Variants in ZNF385B observed in about 807,000 individuals in gnomAD.
ZNF385B encodes zinc finger protein 533.
In ZNF385B, 23 loss-of-function variants were observed where a neutral mutation model predicts 39.2. The observed-to-expected ratio is 0.59, with a 90% CI of 0.42 to 0.83. The LOEUF (loss-of-function observed/expected upper bound fraction) is 0.83, where lower values mean the gene tolerates loss of function less well. Among genes scored for constraint, ZNF385B ranks in the 40% least tolerant of loss-of-function variants. The pLI is 0.00. For missense variants in ZNF385B, 552 were observed against 598.9 expected, an observed-to-expected ratio of 0.92 and a Z score of 0.82; for synonymous variants, 205 against 222.6, an observed-to-expected ratio of 0.92 and a Z score of 0.70.
rs571146649 is a variant in ZNF385B, at chr2:179,686,385, C to T, written c.298+83118G>A. On this transcript the variant is annotated intron_variant, in intron 3 of 9. Transcript: ENST00000410066. ...TTCTAAGTGCTTGCCACAGTGCCTA[C>T]GATGTTATAAAAATTCAATAAAATT... Among the ~76,000 whole-genome samples, 12 of 152,104 alleles carry T rather than the reference C, an allele frequency of 7.9e-5. No individual in the cohort carries two copies. The East Asian group carries it at 9.7e-4, about 12-fold the overall frequency.
At chr2:179,619,019 C>T (rs1390131499) in intron 3 of ZNF385B, among the ~76,000 whole-genome samples, 1 of 152,006 alleles carries the variant, frequency 6.6e-6, no homozygotes, top group Non-Finnish European at 1.5e-5. Context: ...TGTTTACTAA[C>T]AAAAAATTTT....
chr2:179,791,172 T>C (rs551295156), intron 1 of ZNF385B, among the ~76,000 whole-genome samples: 57 of 152,356 alleles, frequency 3.7e-4, no homozygotes, highest in African/African-American at 1.3e-3. Context: ...ATGATTCCGA[T>C]CTACATGAAC....
chr2:179,512,477 T>G (rs2105781019), intron 5 of ZNF385B, among the ~76,000 whole-genome samples: 1 of 152,328 alleles, frequency 6.6e-6, no homozygotes, highest in Non-Finnish European at 1.5e-5. Flanking sequence ...CAAAATGAGA[T>G]AAATGTTAGT....
At chr2:179,469,107 T>A (rs2052448351) in intron 6 of ZNF385B, among the ~76,000 whole-genome samples, 1 of 152,210 alleles carries the variant, frequency 6.6e-6, no homozygotes, top group Non-Finnish European at 1.5e-5. Context: ...TAAAAAGTGG[T>A]ATCAAGCTGC....
intron 3 of ZNF385B, among the ~76,000 whole-genome samples, chr2:179,655,102 G>A (rs910368329): frequency 3.3e-5 from 5 of 152,116 alleles, no homozygotes; most frequent in African/African-American, 7.2e-5. Context: ...TTGTATCATG[G>A]GTAGTTTTTG....
At chr2:179,555,180 C>T (rs2060826069) in intron 3 of ZNF385B, among the ~76,000 whole-genome samples, 1 of 149,674 alleles carries the variant, frequency 6.7e-6, no homozygotes, top group African/African-American at 2.5e-5. Context: ...TTCTTACATG[C>T]AACAACCAAT....
intron 3 of ZNF385B, among the ~76,000 whole-genome samples, chr2:179,689,985 A>G (rs528811638): frequency 3.6e-4 from 55 of 152,256 alleles, no homozygotes; most frequent in South Asian, 2.5e-3. Flanking sequence ...TCTAGGAACA[A>G]TAATTGATTC....
intron 3 of ZNF385B, among the ~76,000 whole-genome samples, chr2:179,574,153 C>A (rs1237267416): frequency 4.6e-5 from 7 of 151,920 alleles, no homozygotes; most frequent in African/African-American, 7.3e-5. Context: ...TGACTCAGGC[C>A]TGAATTAAGG....
chr2:179,560,151 A>G (rs181765898), intron 3 of ZNF385B, among the ~76,000 whole-genome samples: 1 of 152,284 alleles, frequency 6.6e-6, no homozygotes, highest in Non-Finnish European at 1.5e-5. Flanking sequence ...TGGCTCCCCA[A>G]ATAATTCCCT....
At chr2:179,832,317 ACTACAGCTCTT>A (rs1398687049) in intron 1 of ZNF385B, among the ~76,000 whole-genome samples, 30 of 152,336 alleles carry the variant, frequency 2.0e-4, no homozygotes, top group African/African-American at 7.2e-4. Flanking sequence ...ATGCAGTCTC[ACTACAGCTCTT>A]CTAGGATTTA....
At chr2:179,492,875 C>T (rs893878580) in intron 5 of ZNF385B, among the ~76,000 whole-genome samples, 1 of 151,932 alleles carries the variant, frequency 6.6e-6, no homozygotes, top group African/African-American at 2.4e-5. Context: ...GTCGCTTAGC[C>T]CATCTGAGTC....
chr2:179,688,097 A>G (rs190069486), intron 3 of ZNF385B, among the ~76,000 whole-genome samples: 179 of 152,174 alleles, frequency 1.2e-3, no homozygotes, highest in African/African-American at 4.1e-3. Flanking sequence ...ACCCTCAAGG[A>G]GGGTTTTGTT....
chr2:179,706,825 C>A (rs1414600427), intron 3 of ZNF385B, among the ~76,000 whole-genome samples: 1 of 152,116 alleles, frequency 6.6e-6, no homozygotes, highest in African/African-American at 2.4e-5. Context: ...GAAAGAGATG[C>A]CAGATTAGCT....
intron 3 of ZNF385B, among the ~76,000 whole-genome samples, chr2:179,575,223 C>T (rs913749582): frequency 3.3e-5 from 5 of 151,788 alleles, no homozygotes; most frequent in East Asian, 1.9e-4. Context: ...ATTCGCTCTG[C>T]GATATGACAA....
intron 3 of ZNF385B, among the ~76,000 whole-genome samples, chr2:179,559,715 T>A (rs932071525): frequency 6.6e-6 from 1 of 152,148 alleles, no homozygotes; most frequent in African/African-American, 2.4e-5. Flanking sequence ...AGTGAAGTGA[T>A]CACATAGTAA....
intron 3 of ZNF385B, among the ~76,000 whole-genome samples, chr2:179,711,000 C>T (rs971629947): frequency 6.6e-6 from 1 of 152,144 alleles, no homozygotes; most frequent in African/African-American, 2.4e-5. Flanking sequence ...AGTATGGAAG[C>T]AAGTTAATGT....
At chr2:179,679,473 A>C (rs1329400779) in intron 3 of ZNF385B, among the ~76,000 whole-genome samples, 1 of 152,138 alleles carries the variant, frequency 6.6e-6, no homozygotes, top group African/African-American at 2.4e-5. Context: ...CCAGTGAAAA[A>C]CTGTCCTAAA....
At chr2:179,696,809 C>T (rs778114617) in intron 3 of ZNF385B, among the ~76,000 whole-genome samples, 1 of 152,142 alleles carries the variant, frequency 6.6e-6, no homozygotes, top group Non-Finnish European at 1.5e-5. Flanking sequence ...CATTGATATA[C>T]TAGGTTTGGA....
intron 4 of ZNF385B, among the ~76,000 whole-genome samples, chr2:179,526,144 C>T (rs1355931018): frequency 6.7e-6 from 1 of 148,540 alleles, no homozygotes. Context: ...TCAAGTGATT[C>T]TCCCAACTCA....
Sources: gnomAD v4.1 joint callset for allele counts (sites outside exome capture counted in the v4.1 genomes callset) on GRCh38, gnomAD v4.1.1 for gene constraint, MANE v1.5 for transcripts, NCBI Gene and HGNC (gene_info 2026-07-23, HGNC 2026-07-21) for gene names.